SEC14L1: variants seen among roughly 807,000 people sequenced by gnomAD.
The protein encoded by SEC14L1 is SEC14-like protein 1.
Under a neutral mutation model 85.3 loss-of-function variants are expected in SEC14L1, and 48 were observed. The observed-to-expected ratio is 0.56, with a 90% CI of 0.45 to 0.72. The LOEUF (loss-of-function observed/expected upper bound fraction) is 0.72. SEC14L1 is among the 30% of genes least tolerant of loss of function. SEC14L1 has a pLI of 0.00. For missense variants in SEC14L1, 682 were observed against 921.4 expected (o/e 0.74, Z 3.36); for synonymous variants, 391 against 355.5 (o/e 1.10, Z -1.12).
chr17:77,134,960 G>A (rs1009703223), intron 3 of SEC14L1, among the ~76,000 whole-genome samples: 1 of 152,140 alleles, frequency 6.6e-6, no homozygotes, highest in South Asian at 2.1e-4. Context: ...ATTGGCTTGA[G>A]TATTTACACT....
intron 3 of SEC14L1, among the ~76,000 whole-genome samples, chr17:77,130,364 T>C (rs937479365): frequency 4.6e-5 from 7 of 152,198 alleles, no homozygotes; most frequent in Admixed American, 1.3e-4. Flanking sequence ...TCACCCAGGC[T>C]GGAGTGCAGT....
At chr17:77,161,577 A>G (rs1047786867) in intron 3 of SEC14L1, among the ~76,000 whole-genome samples, 1 of 152,226 alleles carries the variant, frequency 6.6e-6, no homozygotes, top group African/African-American at 2.4e-5. Flanking sequence ...ACTGGTCAAC[A>G]TTAAAGGTTC....
Position 77,206,210 on chromosome 17 carries a change from A to C in SEC14L1, c.1170-19A>C, listed in dbSNP as rs1330240757. 6.2e-6 allele frequency: 10 copies of C among 1,608,998 alleles called. 1 individual carries two copies. In the South Asian group the frequency reaches 1.1e-4, roughly 18 times the overall value. On this transcript the variant is annotated intron_variant, in intron 11 of 16. Coordinates refer to ENST00000436233, the MANE Select transcript of SEC14L1 (RefSeq NM_001143998.2). The surrounding 1 kb of genome is among the most constrained non-coding windows in gnomAD (Gnocchi z 4.3). ...GTGTGCTGTCTGTTGAATGAAACAC[A>C]TCTCTGCACAACCTGCAGCTCATGG...
Position 77,143,757 on chromosome 17 carries a change from C to T in SEC14L1, c.63+98C>T, listed in dbSNP as rs538770012. 9.9e-4 allele frequency: 856 copies of T among 863,560 alleles called. 13 individuals are homozygous for T. Among genetic ancestry groups the T allele is most frequent in the South Asian group, 9.3e-3 (596 of 64,080 alleles). The allele number at this position is 863,560 out of a possible 1,614,324, so 53.5% of individuals were successfully genotyped here. ...ATAGATTTATTGTTCGTCTCCATGG[C>T]ATCACTTGAACTTACTCTGTTTTTA... On this transcript the variant is annotated intron_variant, in intron 3 of 16. Transcript: ENST00000436233.
intron 3 of SEC14L1, among the ~76,000 whole-genome samples, chr17:77,158,893 C>T (rs1973929591): frequency 7.0e-6 from 1 of 141,932 alleles, no homozygotes; most frequent in African/African-American, 2.6e-5. Context: ...CTCACTGCAA[C>T]CTCCACCTCT....
At chr17:77,132,686 ACT>A (rs547628680) in intron 3 of SEC14L1, among the ~76,000 whole-genome samples, 29 of 151,974 alleles carry the variant, frequency 1.9e-4, no homozygotes, top group African/African-American at 5.8e-4. Context: ...GCTGGCCCTG[ACT>A]CTCAGCATTG....
Position 77,156,132 on chromosome 17 carries a change from A to G in SEC14L1, c.63+12473A>G, listed in dbSNP as rs138503353. Among the ~76,000 whole-genome samples the G allele has an allele frequency of 5.3e-5, 8 of 152,236 alleles. No homozygotes were observed. In the East Asian group the frequency reaches 1.5e-3, roughly 29 times the overall value. On this transcript the variant is annotated intron_variant, in intron 3 of 16. Transcript: ENST00000436233. ...CACCTGGCTGACTCTAGCTGGCTGC[A>G]TGCAGTTGCTCCTGGTGGAGGTTCC...
intron 3 of SEC14L1, among the ~76,000 whole-genome samples, chr17:77,130,849 G>A (rs536718912): frequency 2.0e-5 from 3 of 151,860 alleles, no homozygotes; most frequent in East Asian, 1.9e-4. Flanking sequence ...CAAGGGATCC[G>A]CCCGCCTCGA....
At chr17:77,142,026 C>G (rs1238256786) in intron 1 of SEC14L1, among the ~76,000 whole-genome samples, 1 of 152,142 alleles carries the variant, frequency 6.6e-6, no homozygotes, top group African/African-American at 2.4e-5. Flanking sequence ...GTTTGGAGAA[C>G]TTGGGAGTTT....
At chr17:77,138,326 G>A (rs1011609934), upstream of SEC14L1, among the ~76,000 whole-genome samples, 3 of 152,110 alleles carry the variant, frequency 2.0e-5, no homozygotes, top group Non-Finnish European at 4.4e-5. Context: ...CCCCAGGCAA[G>A]TAGGAGGTTG....
In SEC14L1 at chr17:77,094,984, C is replaced by A. The variant is rs1446595548; in HGVS notation, c.-136+1637C>A. The A allele has an allele frequency of 2.0e-5, 3 of 152,304 alleles. No individual in the cohort carries two copies. In the East Asian group the frequency reaches 5.8e-4, roughly 29 times the overall value. 9.4% of individuals were successfully genotyped at this position (152,304 alleles called of 1,614,324 possible). A position where few individuals can be genotyped will look rare whatever the true frequency, so the allele number is the denominator to read the frequency against. ...TTTCTGGAATAAACCACTTTGATTC[C>A]CAGTTACTGACTCGTTCTCCTGTGT... On this transcript the variant is annotated intron_variant, in intron 3 of 19. Transcript: ENST00000392476.
chr17:77,135,349 C>T (rs1267148724), intron 3 of SEC14L1, among the ~76,000 whole-genome samples: 4 of 152,220 alleles, frequency 2.6e-5, no homozygotes, highest in Non-Finnish European at 4.4e-5. Flanking sequence ...TAAGTTCCTG[C>T]CTAGTCAACT....
At chr17:77,152,966 T>A (rs1320288209) in intron 3 of SEC14L1, among the ~76,000 whole-genome samples, 12 of 152,232 alleles carry the variant, frequency 7.9e-5, no homozygotes, top group Admixed American at 7.9e-4. Flanking sequence ...ACCTTAACCT[T>A]TTGCTGATTT....
intron 3 of SEC14L1, among the ~76,000 whole-genome samples, chr17:77,100,061 C>G (rs1269506854): frequency 1.3e-5 from 2 of 152,264 alleles, no homozygotes; most frequent in Non-Finnish European, 2.9e-5. Flanking sequence ...CTCTGGCGCT[C>G]CCAGCGGGAG....
At chr17:77,088,714 A>C (rs1293322900), upstream of SEC14L1, 1 of 151,820 alleles carries the variant, frequency 6.6e-6, no homozygotes, top group African/African-American at 2.4e-5. Flanking sequence ...GGCCTGTTGG[A>C]GGGGAAACCC....
chr17:77,102,959 A>G (rs1483124874), intron 3 of SEC14L1, among the ~76,000 whole-genome samples: 2 of 151,872 alleles, frequency 1.3e-5, no homozygotes, highest in Non-Finnish European at 2.9e-5. Context: ...GCATGCCACC[A>G]TGCCTGGCTA....
chr17:77,216,849 A>G lies in SEC14L1; in HGVS notation c.*2826A>G. On this transcript the variant is annotated 3_prime_UTR_variant, in exon 17 of 17. Transcript: ENST00000436233. The stretch of plus-strand genomic sequence containing the variant: ...GCTATGGTTTGAGTATGCAGTTTGC[A>G]TCGTGTTTCTACCTTTAGTACCTTG... 1 of 449,140 alleles carries G rather than the reference A, an allele frequency of 2.2e-6. No individual in the cohort carries two copies. Among genetic ancestry groups the G allele is most frequent in the Non-Finnish European group, 4.0e-6 (1 of 252,040 alleles). 27.8% of individuals were successfully genotyped at this position (449,140 alleles called of 1,614,324 possible).
At chr17:77,152,628 G>A (rs1973614043) in intron 3 of SEC14L1, 1 of 151,984 alleles carries the variant, frequency 6.6e-6, no homozygotes, top group African/African-American at 2.4e-5. Flanking sequence ...CAATAATCAC[G>A]TCTCGGGTAA....
intron 3 of SEC14L1, among the ~76,000 whole-genome samples, chr17:77,162,754 G>A (rs1270609040): frequency 3.3e-5 from 5 of 151,772 alleles, no homozygotes; most frequent in South Asian, 2.1e-4. Context: ...CGCTTGAACC[G>A]GGGAGGTGGA....
Sources: allele counts gnomAD v4.1 joint callset (sites outside exome capture counted in the v4.1 genomes callset), GRCh38; gene constraint gnomAD v4.1.1; non-coding constraint Gnocchi (gnomAD v3.1); transcripts MANE v1.5; gene names NCBI Gene and HGNC (gene_info 2026-07-23, HGNC 2026-07-21).